The following EVI5L variants were observed in gnomAD, a reference collection of about 807,000 sequenced individuals.
The protein encoded by EVI5L is ecotropic viral integration site 5 like, also known as EVI5-like protein.
A neutral mutation model predicts 106.1 loss-of-function variants in EVI5L; 30 were observed. That is an observed-to-expected ratio of 0.28 (90% CI 0.21 to 0.38). The LOEUF (loss-of-function observed/expected upper bound fraction) is 0.38, where lower values mean the gene tolerates loss of function less well. Among genes scored for constraint, EVI5L ranks in the 10% least tolerant of loss-of-function variants. The pLI, the probability that EVI5L is intolerant of heterozygous loss-of-function variation, is 1.00. For synonymous variants in EVI5L, 489 were observed against 483.3 expected (o/e 1.01, Z -0.15); for missense variants, 809 against 1,098.0 (o/e 0.74, Z 3.72).
At position 7,860,644 on chromosome 19, in the gene EVI5L, G is replaced by C; in HGVS notation, c.1458G>C (p.Leu486=). Residue 486 remains leucine (L), a synonymous_variant, in exon 14 of 20, where the codon CTG becomes CTC. Transcript: ENST00000538904. ...CGAGGCTGCGGGAGACGGAGACACT[G>C]GGGGCCCTTCGGGAGATGCAGGACA... ...EQSRLRETET[L]GALREMQDKV... The C allele has an allele frequency of 6.3e-7, 1 of 1,596,150 alleles. No homozygotes were observed. The highest frequency in any genetic ancestry group is 8.5e-7 in the Non-Finnish European group (1 of 1,171,532).
Position 7,853,348 on chromosome 19 carries a change from C to G in EVI5L, c.1146+15C>G, listed in dbSNP as rs189059843. On this transcript the variant is annotated intron_variant, in intron 10 of 19. Coordinates refer to ENST00000538904, the MANE Select transcript of EVI5L (RefSeq NM_001159944.3). The stretch of plus-strand genomic sequence containing the variant: ...TCGAGATCAAAGTGAGTCCAGGGGC[C>G]CAGGGGCGGGGACAGGGATGGGAGG... 1.8e-3 allele frequency: 2,927 copies of G among 1,605,352 alleles called. 5 individuals carry two copies. Among genetic ancestry groups the G allele is most frequent in the Non-Finnish European group, 2.3e-3 (2,712 of 1,176,756 alleles).
chr19:7,851,007 G>T (rs1001414684), intron 6 of EVI5L, among the ~76,000 whole-genome samples: 29 of 147,060 alleles, frequency 2.0e-4, no homozygotes, highest in African/African-American at 6.9e-4. Context: ...TGGCTGGCAG[G>T]TCACGTAACA....
intron 13 of EVI5L, among the ~76,000 whole-genome samples, chr19:7,860,094 C>T (rs578079410): frequency 2.0e-4 from 31 of 152,306 alleles, no homozygotes; most frequent in African/African-American, 7.2e-4. Flanking sequence ...GGGTGATACC[C>T]ACAAACTCTT....
At position 7,857,369 on chromosome 19, in the gene EVI5L, T is replaced by C. The variant is rs2146435212; in HGVS notation, c.1233+245T>C. 1.6e-6 allele frequency: 1 copy of C among 608,422 alleles called. No homozygotes were observed. The highest frequency in any genetic ancestry group is 2.9e-6 in the Non-Finnish European group (1 of 343,290). 37.7% of individuals were successfully genotyped at this position (608,422 alleles called of 1,614,324 possible). A position where few individuals can be genotyped will look rare whatever the true frequency, so the allele number is the denominator to read the frequency against. ...GTTTGGGTGTGAATGTCCACATGCA[T>C]GTACAGAAAGCTTCCTCCGGGCGAC... On this transcript the variant is annotated intron_variant, in intron 12 of 19. Transcript: ENST00000538904. This position sits in a 1 kb window ranked among gnomAD's most constrained non-coding sequence, Gnocchi z 4.5.
At position 7,835,677 on chromosome 19, in the gene EVI5L, G is replaced by A. The variant is rs1978327063; in HGVS notation, c.-48+5296G>A. 6.6e-6 allele frequency among the ~76,000 whole-genome samples: 1 copy of A among 152,146 alleles called. No homozygotes were observed. The highest frequency in any genetic ancestry group is 2.4e-5 in the African/African-American group (1 of 41,436). On this transcript the variant is annotated intron_variant, in intron 1 of 19. Transcript: ENST00000538904. This position sits in a 1 kb window ranked among gnomAD's most constrained non-coding sequence, Gnocchi z 4.1. ...ATGTGGAGGAGCAGCTAGACTGGGC[G>A]CAAGAAGAGATCAGGCAGGGACCTC... is the stretch of plus-strand genomic sequence containing the variant.
intron 2 of EVI5L, among the ~76,000 whole-genome samples, chr19:7,847,400 C>A (rs1442386422): frequency 1.3e-5 from 2 of 152,106 alleles, no homozygotes; most frequent in Admixed American, 6.5e-5. Flanking sequence ...CCAGCCCGAC[C>A]AACATGGTGA....
intron 1 of EVI5L, among the ~76,000 whole-genome samples, chr19:7,831,927 G>A (rs937383672): frequency 1.3e-5 from 2 of 152,264 alleles, no homozygotes; most frequent in Non-Finnish European, 2.9e-5. Context: ...GACCTGGGTC[G>A]GGGCCTGCCA....
rs1339191771 is a variant in EVI5L at position 7,864,113 on chromosome 19, G to A, written c.*411G>A. 1 of 184,102 alleles carries A rather than the reference G, an allele frequency of 5.4e-6. No homozygotes were observed. The highest frequency in any genetic ancestry group is 1.1e-5 in the Non-Finnish European group (1 of 89,784). The allele number at this position is 184,102 out of a possible 1,614,324, so 11.4% of individuals were successfully genotyped here. ...GGCGACATTGCTGGGAAGTGCTCAG[G>A]AGGTAGCCGAGGCCTGAGGAAGGAG... On this transcript the variant is annotated 3_prime_UTR_variant, in exon 20 of 20. Coordinates refer to ENST00000538904, the MANE Select transcript of EVI5L (RefSeq NM_001159944.3). This position sits in a 1 kb window ranked among gnomAD's most constrained non-coding sequence, Gnocchi z 4.5.
intron 1 of EVI5L, among the ~76,000 whole-genome samples, chr19:7,842,215 T>A (rs75539177): frequency 2.6e-5 from 4 of 151,644 alleles, no homozygotes; most frequent in Non-Finnish European, 4.4e-5. Flanking sequence ...TGTATATGTG[T>A]GTGTGTGAAT....
In EVI5L at chr19:7,845,059, G is replaced by A. The variant is rs1415515338; in HGVS notation, c.-47-1437G>A. The stretch of plus-strand genomic sequence containing the variant: ...ATGGTCCCGCCAATGTCCCCCTGCT[G>A]CCTGGGGATCCAGATATCCCCACTC... On this transcript the variant is annotated intron_variant, in intron 1 of 19. Coordinates refer to ENST00000538904, the MANE Select transcript of EVI5L (RefSeq NM_001159944.3). This position sits in a 1 kb window ranked among gnomAD's most constrained non-coding sequence, Gnocchi z 4.0. Among the ~76,000 whole-genome samples, 1 of 152,038 alleles carries A rather than the reference G, an allele frequency of 6.6e-6. No homozygotes were observed. The highest frequency in any genetic ancestry group is 2.1e-4 in the South Asian group (1 of 4,820).
chr19:7,851,170 C>T (rs1037101125), intron 6 of EVI5L, among the ~76,000 whole-genome samples: 3 of 152,124 alleles, frequency 2.0e-5, no homozygotes, highest in African/African-American at 4.8e-5. Context: ...CTGCCACGGG[C>T]GCATCACCTA....
intron 1 of EVI5L, among the ~76,000 whole-genome samples, chr19:7,843,323 G>A (rs1462896393): frequency 2.7e-5 from 4 of 148,588 alleles, no homozygotes; most frequent in Non-Finnish European, 4.5e-5. Context: ...AGGCATGGGT[G>A]TGTTGAGTGT....
chr19:7,855,982 G>A (rs758724074), intron 10 of EVI5L, 33 bp from the exon 11 acceptor site: 17 of 1,321,098 alleles, frequency 1.3e-5, no homozygotes, highest in African/African-American at 4.5e-5. Flanking sequence ...CGTGGGGGGC[G>A]GGCTATGACG....
At chr19:7,846,234 C>T (rs1386874641) in intron 1 of EVI5L, among the ~76,000 whole-genome samples, 4 of 152,194 alleles carry the variant, frequency 2.6e-5, no homozygotes, top group East Asian at 1.9e-4. Flanking sequence ...GACAGCAGGA[C>T]GGCTCACATC....
intron 3 of EVI5L, 50 bp downstream of exon 3, chr19:7,847,971 G>A: frequency 4.0e-6 from 6 of 1,496,980 alleles, no homozygotes; most frequent in Non-Finnish European, 5.4e-6. Context: ...TGGGCAGGTG[G>A]TGCGGTCACT....
rs1196319658 is a variant in EVI5L, at chr19:7,848,817, T to C, written c.328-104T>C. On this transcript the variant is annotated intron_variant, in intron 3 of 19. Coordinates refer to ENST00000538904, the MANE Select transcript of EVI5L (RefSeq NM_001159944.3). The surrounding 1 kb of genome is among the most constrained non-coding windows in gnomAD (Gnocchi z 4.8). ...ATTGGGGACCATGAGTTCTGTGCCA[T>C]GCTTGAGGCCTGGATGAGCCACGCC... 8.6e-6 allele frequency: 9 copies of C among 1,052,284 alleles called. No homozygotes were observed. Among genetic ancestry groups the C allele is most frequent in the Middle Eastern group, 2.2e-4 (1 of 4,582 alleles). 65.2% of individuals were successfully genotyped at this position (1,052,284 alleles called of 1,614,324 possible).
chr19:7,832,814 C>G (rs1215502265), intron 1 of EVI5L, among the ~76,000 whole-genome samples: 2 of 152,120 alleles, frequency 1.3e-5, no homozygotes, highest in Non-Finnish European at 2.9e-5. Flanking sequence ...CCACGGGGAA[C>G]AGGGTGGGCA....
Position 7,849,347 on chromosome 19 carries a change from T to C in EVI5L, c.627+17T>C, listed in dbSNP as rs1365318596. 6.2e-7 allele frequency: 1 copy of C among 1,613,336 alleles called. No individual in the cohort carries two copies. Among genetic ancestry groups the C allele is most frequent in the South Asian group, 1.1e-5 (1 of 91,072 alleles). ...CTCATGCAGGTAGGTGGCTGGGGGG[T>C]GGCTGGGCTCCTGCCAGACAACAGC... On this transcript the variant is annotated intron_variant, in intron 5 of 19. Transcript: ENST00000538904.
chr19:7,862,737 A>ACCCC (rs1410815818), intron 17 of EVI5L, among the ~76,000 whole-genome samples: 11 of 23,298 alleles, frequency 4.7e-4, no homozygotes, highest in African/African-American at 8.0e-4. Flanking sequence ...CCGCCTCCTG[A>ACCCC]CCACCCCCCC....
Sources: gnomAD v4.1 joint callset for allele counts (sites outside exome capture counted in the v4.1 genomes callset) on GRCh38, gnomAD v4.1.1 for gene constraint, Gnocchi (gnomAD v3.1) non-coding constraint, MANE v1.5 for transcripts, NCBI Gene and HGNC (gene_info 2026-07-23, HGNC 2026-07-21) for gene names.